PLEKHH1: variants seen among roughly 807,000 people sequenced by gnomAD.
PLEKHH1 encodes the protein pleckstrin homology domain-containing family H member 1.
A neutral mutation model predicts 160.0 loss-of-function variants in PLEKHH1; 104 were observed. That is an observed-to-expected ratio of 0.65 (90% CI 0.55 to 0.76). The LOEUF is 0.76. Among genes scored for constraint, PLEKHH1 ranks in the 30% least tolerant of loss-of-function variants. The pLI is 0.00. For synonymous variants in PLEKHH1, 619 were observed against 678.4 expected, an observed-to-expected ratio of 0.91 and a Z score of 1.36; for missense variants, 1,427 against 1,724.1, an observed-to-expected ratio of 0.83 and a Z score of 3.05.
rs1233348710 is a variant in PLEKHH1 at position 67,576,621 on chromosome 14, A to G, written c.2461+118A>G. ...AAGCTGTTTTTAAAACATCTAAGCC[A>G]CAGAGGGGAAGTTCCCATCCAAGCT... On this transcript the variant is annotated intron_variant, in intron 17 of 28. Coordinates refer to ENST00000329153, the MANE Select transcript of PLEKHH1 (RefSeq NM_020715.3). The surrounding 1 kb of genome is among the most constrained non-coding windows in gnomAD (Gnocchi z 4.0). The G allele has an allele frequency of 3.5e-6, 2 of 570,670 alleles. No individual in the cohort carries two copies. The highest frequency in any genetic ancestry group is 6.3e-6 in the Non-Finnish European group (2 of 317,630). The allele number at this position is 570,670 out of a possible 1,614,324, so 35.4% of individuals were successfully genotyped here. A position where few individuals can be genotyped will look rare whatever the true frequency, so the allele number is the denominator to read the frequency against.
At chr14:67,555,734 A>G in intron 2 of PLEKHH1, 91 bp from the exon 3 acceptor site, 1 of 1,550,066 alleles carries the variant, frequency 6.5e-7, no homozygotes, top group South Asian at 1.2e-5. Context: ...GCCTGTGTGC[A>G]GTGTGTGCAC....
rs763111133 is a variant in PLEKHH1 at position 67,586,025 on chromosome 14, T to G, written c.3861T>G (p.Ile1287Met). ...GGCRDDFMLV[I>M]RSIPDKSSGK... The stretch of plus-strand genomic sequence containing the variant: ...GCAGGGATGACTTCATGCTTGTGAT[T>G]AGATCTATCCCAGACAAGAGCTCTG... Residue 1287 changes from isoleucine to methionine, a missense_variant, in exon 28 of 29, where the codon ATT becomes ATG. Physicochemically the swap from Ile to Met is conservative, Grantham distance 10. Coordinates refer to ENST00000329153, the MANE Select transcript of PLEKHH1 (RefSeq NM_020715.3). The G allele has an allele frequency of 6.8e-6, 11 of 1,613,948 alleles. No individual in the cohort carries two copies. Among genetic ancestry groups the G allele is most frequent in the Admixed American group, 5.0e-5 (3 of 60,012 alleles).
Position 67,582,416 on chromosome 14 carries a change from C to G in PLEKHH1, c.3426+206C>G. 1.2e-6 allele frequency: 1 copy of G among 834,206 alleles called. No individual in the cohort carries two copies. 51.7% of individuals were successfully genotyped at this position (834,206 alleles called of 1,614,324 possible). ...TATAGGATGCGTGCAGATGGCTGGA[C>G]TTGGAATCCAGAGACCTGGGTTTGA... is the stretch of plus-strand genomic sequence containing the variant. On this transcript the variant is annotated intron_variant, in intron 24 of 28. Coordinates refer to ENST00000329153, the MANE Select transcript of PLEKHH1 (RefSeq NM_020715.3). The surrounding 1 kb of genome is among the most constrained non-coding windows in gnomAD (Gnocchi z 5.0).
At chr14:67,533,492 A>G (rs7155887) in intron 1 of PLEKHH1, 94 bp downstream of exon 1, 95,489 of 151,700 alleles carry the variant, frequency 0.63, 30,419 homozygotes, top group Non-Finnish European at 0.67. Flanking sequence ...CCTCGGGCCC[A>G]GAGGACGATC....
At chr14:67,554,180 A>G (rs2034504240) in intron 2 of PLEKHH1, among the ~76,000 whole-genome samples, 1 of 152,234 alleles carries the variant, frequency 6.6e-6, no homozygotes, top group African/African-American at 2.4e-5. Context: ...GTTCCCAAAT[A>G]TGAACTACTG....
At position 67,560,602 on chromosome 14, in the gene PLEKHH1, G is replaced by A. The variant is rs1001835782; in HGVS notation, c.423+911G>A. 8.6e-5 allele frequency among the ~76,000 whole-genome samples: 13 copies of A among 152,008 alleles called. No homozygotes were observed. In the East Asian group the frequency reaches 1.4e-3, roughly 16 times the overall value. ...TCTATCCATTTTTGTAGTTTATCAC[G>A]TGCTGTACCTTTATTTAGGAAACTC... On this transcript the variant is annotated intron_variant, in intron 5 of 28. Transcript: ENST00000329153.
chr14:67,552,808 G>A (rs1358567862), intron 2 of PLEKHH1, among the ~76,000 whole-genome samples: 1 of 151,694 alleles, frequency 6.6e-6, no homozygotes, highest in African/African-American at 2.4e-5. Context: ...TGGGAGGGTC[G>A]GCAGTAATGA....
At chr14:67,586,651 T>C (rs2036177741) in intron 28 of PLEKHH1, 9 of 452,522 alleles carry the variant, frequency 2.0e-5, no homozygotes, top group South Asian at 1.6e-4. Context: ...TTCTGATTTA[T>C]TGTTCCTGAC....
intron 14 of PLEKHH1, 113 bp from the exon 15 acceptor site, chr14:67,575,279 C>G: frequency 1.5e-6 from 1 of 649,668 alleles, no homozygotes; most frequent in Non-Finnish European, 2.7e-6. Flanking sequence ...CAAATGGCAT[C>G]TCCATCTCTA....
At chr14:67,539,176 A>G (rs2033866071) in intron 1 of PLEKHH1, among the ~76,000 whole-genome samples, 1 of 152,228 alleles carries the variant, frequency 6.6e-6, no homozygotes, top group Non-Finnish European at 1.5e-5. Flanking sequence ...AGTAAAGGAC[A>G]AGGAAAAATC....
intron 2 of PLEKHH1, 128 bp from the exon 3 acceptor site, chr14:67,555,697 C>T (rs3742869): frequency 0.15 from 203,523 of 1,344,588 alleles, 16,957 homozygotes; most frequent in East Asian, 0.28. Flanking sequence ...CACTCTCGAG[C>T]CACTTGAGAT....
In PLEKHH1 at chr14:67,559,603, T is replaced by C; in HGVS notation, c.340-5T>C. 6.3e-7 allele frequency: 1 copy of C among 1,581,722 alleles called. No homozygotes were observed. Among genetic ancestry groups the C allele is most frequent in the Non-Finnish European group, 8.6e-7 (1 of 1,161,914 alleles). ...GATTAACGGAAGGCCCTCTCTTTCT[T>C]GCAGAAGCAGATGAGGGCAGAGGAA... is the stretch of plus-strand genomic sequence containing the variant. On this transcript the variant is annotated splice_polypyrimidine_tract_variant and splice_region_variant and intron_variant, in intron 4 of 28. Coordinates refer to ENST00000329153, the MANE Select transcript of PLEKHH1 (RefSeq NM_020715.3).
chr14:67,540,223 C>T (rs11158681), intron 1 of PLEKHH1, among the ~76,000 whole-genome samples: 94,340 of 152,094 alleles, frequency 0.62, 29,584 homozygotes, highest in Non-Finnish European at 0.66. Flanking sequence ...AATCCTATTT[C>T]GTATATCTCC....
At position 67,570,238 on chromosome 14, in the gene PLEKHH1, G is replaced by T. The variant is rs1231326991; in HGVS notation, c.1434+226G>T. 3 of 574,358 alleles carry T rather than the reference G, an allele frequency of 5.2e-6. No homozygotes were observed. The East Asian group carries it at 4.3e-4, about 82-fold the overall frequency. The allele number at this position is 574,358 out of a possible 1,614,324, so 35.6% of individuals were successfully genotyped here. On this transcript the variant is annotated intron_variant, in intron 9 of 28. Coordinates refer to ENST00000329153, the MANE Select transcript of PLEKHH1 (RefSeq NM_020715.3). ...GTATGAACGTGGACAAGGTAAGAAG[G>T]TTAAGCCTATGCCCGCTTTACAGCT...
At position 67,562,622 on chromosome 14, in the gene PLEKHH1, C is replaced by A; in HGVS notation, c.991C>A (p.His331Asn). The change falls in exon 7 of 29, where the codon CAC becomes AAC. Residue 331 changes from histidine (H) to asparagine (N), a missense_variant. Physicochemically the swap from His to Asn is moderately conservative, Grantham distance 68. Around this residue, in one of 6 missense-constraint regions of PLEKHH1, gnomAD observed 831 missense variants for 929.2 expected, o/e 0.89. Transcript: ENST00000329153. ...PRDSIQLAKR[H>N]HSQPQVGHGH... ...GGACAGCATCCAGTTGGCCAAAAGG[C>A]ACCACAGCCAGCCCCAGGTGGGCCA... 1 of 1,612,944 alleles carries A rather than the reference C, an allele frequency of 6.2e-7. No individual in the cohort carries two copies. Among genetic ancestry groups the A allele is most frequent in the Admixed American group, 1.7e-5 (1 of 59,864 alleles).
intron 3 of PLEKHH1, 79 bp downstream of exon 3, chr14:67,555,966 T>A: frequency 6.4e-7 from 1 of 1,555,228 alleles, no homozygotes; most frequent in Non-Finnish European, 8.7e-7. Flanking sequence ...CGGACACAGG[T>A]GGACACATAC....
chr14:67,580,848 T>C (rs2035858900), intron 22 of PLEKHH1, 90 bp from the exon 23 acceptor site: 1 of 812,206 alleles, frequency 1.2e-6, no homozygotes, highest in Non-Finnish European at 2.1e-6. Context: ...TTTTCTTTGC[T>C]CTTCTGCTCT....
chr14:67,536,704 C>T (rs946144576), intron 1 of PLEKHH1, among the ~76,000 whole-genome samples: 2 of 151,898 alleles, frequency 1.3e-5, no homozygotes, highest in Non-Finnish European at 2.9e-5. Context: ...ATCTTTATAT[C>T]CCCAATCTTG....
In PLEKHH1 at chr14:67,578,011, G is replaced by A. The variant is rs1046321421; in HGVS notation, c.2575-12G>A. 5 of 1,611,654 alleles carry A rather than the reference G, an allele frequency of 3.1e-6. No individual in the cohort carries two copies. The East Asian group carries it at 8.9e-5, about 29-fold the overall frequency. On this transcript the variant is annotated splice_polypyrimidine_tract_variant and intron_variant, in intron 18 of 28. Transcript: ENST00000329153. This position sits in a 1 kb window ranked among gnomAD's most constrained non-coding sequence, Gnocchi z 5.0. ...TGCTGGTCTGCCTGTGCTCACTGCT[G>A]TTCCCTCCCAGTCCTGCCAGCTCTT...
Sources: gnomAD v4.1 joint callset for allele counts (sites outside exome capture counted in the v4.1 genomes callset) on GRCh38, gnomAD v4.1.1 for gene constraint, gnomAD v4.1.1 regional missense constraint, Gnocchi (gnomAD v3.1) non-coding constraint, MANE v1.5 for transcripts, NCBI Gene and HGNC (gene_info 2026-07-23, HGNC 2026-07-21) for gene names.